The following LRRFIP2 variants were observed in gnomAD, a reference collection of about 807,000 sequenced individuals.
LRRFIP2 encodes the protein LRR binding FLII interacting protein 2.
LRRFIP2 carries 109 observed loss-of-function variants against 125.9 expected under a neutral mutation model. The ratio of observed to expected loss-of-function variants is 0.87; its 90% CI spans 0.74 to 1.01. The LOEUF (loss-of-function observed/expected upper bound fraction) is 1.01. LRRFIP2 is among the 50% of genes least tolerant of loss of function. The pLI is 0.00. For synonymous variants in LRRFIP2, 291 were observed against 293.1 expected (o/e 0.99, Z 0.07); for missense variants, 850 against 862.3 (o/e 0.99, Z 0.18).
intron 24 of LRRFIP2, among the ~76,000 whole-genome samples, chr3:37,059,797 A>ATAAT (rs150395913): frequency 1.1e-4 from 16 of 145,214 alleles, no homozygotes; most frequent in African/African-American, 1.5e-4. Flanking sequence ...AAAAAAAAAA[A>ATAAT]AATAATAATA....
chr3:37,129,979 T>C (rs1358337900), intron 2 of LRRFIP2, among the ~76,000 whole-genome samples: 1 of 152,090 alleles, frequency 6.6e-6, no homozygotes, highest in Non-Finnish European at 1.5e-5. Context: ...GATGACAGAG[T>C]GAGACGCTGT....
chr3:37,146,229 T>C (rs2095853073), intron 2 of LRRFIP2, among the ~76,000 whole-genome samples: 1 of 152,204 alleles, frequency 6.6e-6, no homozygotes, highest in Admixed American at 6.5e-5. Flanking sequence ...AAATGCTTCA[T>C]TTGTGCAAAT....
upstream of LRRFIP2, chr3:37,175,918 G>C (rs1245807277): frequency 6.6e-6 from 1 of 152,182 alleles, no homozygotes; most frequent in African/African-American, 2.4e-5. Flanking sequence ...CCCGCCGCGG[G>C]CCGGCCAGTC....
intron 1 of LRRFIP2, among the ~76,000 whole-genome samples, chr3:37,172,465 G>A (rs1454930230): frequency 6.6e-6 from 1 of 152,188 alleles, no homozygotes; most frequent in Non-Finnish European, 1.5e-5. Flanking sequence ...TGGTTGCTTG[G>A]ATTGGGGGGT....
At chr3:37,165,621 A>G (rs2096461289) in intron 1 of LRRFIP2, among the ~76,000 whole-genome samples, 1 of 151,536 alleles carries the variant, frequency 6.6e-6, no homozygotes, top group Non-Finnish European at 1.5e-5. Context: ...GCGTGGTGGC[A>G]GGTGCCTGTA....
intron 2 of LRRFIP2, among the ~76,000 whole-genome samples, chr3:37,148,275 T>C (rs2095910885): frequency 6.6e-6 from 1 of 152,210 alleles, no homozygotes; most frequent in Admixed American, 6.5e-5. Context: ...AAATTGATTA[T>C]ATAAATTGGA....
At chr3:37,100,887 A>G (rs2094001748) in intron 15 of LRRFIP2, among the ~76,000 whole-genome samples, 1 of 152,180 alleles carries the variant, frequency 6.6e-6, no homozygotes, top group African/African-American at 2.4e-5. Flanking sequence ...ACCCACACCA[A>G]GATGATACTG....
intron 9 of LRRFIP2, among the ~76,000 whole-genome samples, chr3:37,110,568 T>A (rs1400271699): frequency 6.6e-6 from 1 of 152,186 alleles, no homozygotes; most frequent in Non-Finnish European, 1.5e-5. Flanking sequence ...TAAGCTTTTT[T>A]AAAAGGGTAC....
intron 2 of LRRFIP2, among the ~76,000 whole-genome samples, chr3:37,133,551 G>T (rs1012551593): frequency 2.0e-5 from 3 of 152,168 alleles, no homozygotes; most frequent in Admixed American, 2.0e-4. Context: ...ACAGAAAGGA[G>T]TAATATTGTA....
In LRRFIP2 at chr3:37,091,085, T is replaced by G. The variant is rs1001933380; in HGVS notation, c.1107+382A>C. 4.6e-5 allele frequency among the ~76,000 whole-genome samples: 7 copies of G among 152,160 alleles called. No homozygotes were observed. The South Asian group carries it at 8.3e-4, about 18-fold the overall frequency. ...CATGTATTTTACAAGGTTTTAAAAC[T>G]GTAAAGGAGGCTGGGCGAGGTGGCT... is the stretch of plus-strand genomic sequence containing the variant. On this transcript the variant is annotated intron_variant, in intron 18 of 27. Coordinates refer to ENST00000336686, the MANE Select transcript of LRRFIP2 (RefSeq NM_006309.4).
intron 25 of LRRFIP2, 80 bp from the exon 26 acceptor site, chr3:37,055,245 CAG>C (rs2086477999): frequency 6.4e-6 from 5 of 784,378 alleles, no homozygotes; most frequent in Non-Finnish European, 1.0e-5. Flanking sequence ...CTCTGTGGCA[CAG>C]AGAGGACCAT....
chr3:37,110,930 G>T, intron 9 of LRRFIP2, 61 bp downstream of exon 9: 1 of 1,481,786 alleles, frequency 6.7e-7, no homozygotes. Context: ...TGCAAAATGG[G>T]GAGATTAGAA....
At chr3:37,057,534 CT>C (rs58257408) in intron 25 of LRRFIP2, among the ~76,000 whole-genome samples, 50,017 of 144,692 alleles carry the variant, frequency 0.35, 9,025 homozygotes, top group Non-Finnish European at 0.44. Context: ...AGTCTTTTCT[CT>C]TTTTTTTTTT....
chr3:37,107,528 G>A (rs1244969293), intron 13 of LRRFIP2, among the ~76,000 whole-genome samples: 4 of 152,080 alleles, frequency 2.6e-5, no homozygotes, highest in Admixed American at 6.6e-5. Context: ...GAAGGAAAAT[G>A]GGGAATTTTA....
chr3:37,057,228 C>T (rs1393678652), intron 25 of LRRFIP2, among the ~76,000 whole-genome samples: 1 of 152,160 alleles, frequency 6.6e-6, no homozygotes, highest in Admixed American at 6.6e-5. Context: ...AGCCCATTCC[C>T]CCTAAATCTG....
chr3:37,175,370 A>G (rs1023674171), upstream of LRRFIP2, among the ~76,000 whole-genome samples: 1 of 152,228 alleles, frequency 6.6e-6, no homozygotes, highest in East Asian at 1.9e-4. Flanking sequence ...TTAGGATACA[A>G]TATTTATCTA....
At chr3:37,130,038 C>T (rs375421761) in intron 2 of LRRFIP2, among the ~76,000 whole-genome samples, 201 of 152,258 alleles carry the variant, frequency 1.3e-3, no homozygotes, top group African/African-American at 4.5e-3. Flanking sequence ...TTTTAGTATA[C>T]TCACAGGATG....
chr3:37,128,958 T>C, intron 3 of LRRFIP2, 105 bp downstream of exon 3: 1 of 1,004,768 alleles, frequency 1.0e-6, no homozygotes, highest in Non-Finnish European at 1.6e-6. Flanking sequence ...CAGTTTATAC[T>C]ATTTTCAATG....
intron 25 of LRRFIP2, among the ~76,000 whole-genome samples, chr3:37,055,861 C>G (rs536616169): frequency 1.1e-4 from 17 of 152,292 alleles, no homozygotes; most frequent in African/African-American, 3.6e-4. Context: ...CCATGCCTTC[C>G]CATCTCCCAG....
Sources: gnomAD v4.1 joint callset for allele counts (sites outside exome capture counted in the v4.1 genomes callset) on GRCh38, gnomAD v4.1.1 for gene constraint, MANE v1.5 for transcripts, NCBI Gene and HGNC (gene_info 2026-07-23, HGNC 2026-07-21) for gene names.